FNBP1: variants seen among roughly 807,000 people sequenced by gnomAD.
FNBP1 encodes the protein formin-binding protein 1.
In FNBP1, 26 loss-of-function variants were observed where a neutral mutation model predicts 90.6. The observed-to-expected ratio is 0.29, with a 90% CI of 0.21 to 0.40. The LOEUF is 0.40. Ranked by LOEUF, FNBP1 falls within the 10% of genes least tolerant of loss-of-function variation. FNBP1 has a pLI of 1.00. For missense variants in FNBP1, 635 were observed against 768.0 expected (o/e 0.83, Z 2.05); for synonymous variants, 260 against 265.2 (o/e 0.98, Z 0.19).
At chr9:129,937,268 A>G (rs1191054601) in intron 6 of FNBP1, among the ~76,000 whole-genome samples, 1 of 152,236 alleles carries the variant, frequency 6.6e-6, no homozygotes, top group Non-Finnish European at 1.5e-5. Context: ...TATAATAACA[A>G]AAGATATCCA....
chr9:129,992,395 C>T (rs2053313558), intron 2 of FNBP1, among the ~76,000 whole-genome samples: 2 of 152,128 alleles, frequency 1.3e-5, no homozygotes, highest in South Asian at 4.1e-4. Context: ...AGAAACTGAT[C>T]TGGATTCTCC....
At chr9:129,990,459 G>A (rs1003710482) in intron 2 of FNBP1, among the ~76,000 whole-genome samples, 8 of 152,268 alleles carry the variant, frequency 5.3e-5, no homozygotes, top group African/African-American at 1.4e-4. Context: ...AATAGCTCTC[G>A]GGTGAGGGGA....
the FNBP1 span, among the ~76,000 whole-genome samples, chr9:130,052,449 T>C: frequency 6.6e-6 from 1 of 152,128 alleles, no homozygotes; most frequent in African/African-American, 2.4e-5. Flanking sequence ...TTTTTTTTTA[T>C]TGAGACAGAG....
the FNBP1 span, chr9:130,053,493 A>AG: frequency 1.1e-5 from 2 of 180,786 alleles, no homozygotes; most frequent in Non-Finnish European, 1.2e-5. Context: ...CCCTACGGCG[A>AG]GCCGGGAATT....
chr9:129,994,701 A>G (rs1589140532), intron 2 of FNBP1, 142 bp downstream of exon 2: 2 of 407,578 alleles, frequency 4.9e-6, no homozygotes, highest in East Asian at 7.6e-5. Flanking sequence ...TTTCTGTATG[A>G]AAAACAATCA....
chr9:129,902,547 A>G (rs1398387124), intron 13 of FNBP1, among the ~76,000 whole-genome samples: 2 of 152,186 alleles, frequency 1.3e-5, no homozygotes, highest in Non-Finnish European at 2.9e-5. Flanking sequence ...AGCTACAAGC[A>G]TGCCACTGTA....
In FNBP1 at chr9:129,895,955, A is replaced by T; in HGVS notation, c.1729T>A (p.Leu577Met). Residue 577 changes from leucine (L) to methionine (M), a missense_variant, in exon 16 of 17, where the codon TTG becomes ATG. Coordinates refer to ENST00000446176, the MANE Select transcript of FNBP1 (RefSeq NM_015033.3). ...CCTTTGTCTTCCTCTATGACATACA[A>T]TGTTTCTCCTTCAACTACGGAAATC... ...GTISVVEGETLYVIEEDKGDG... is the reference protein window; with the variant it reads ...GTISVVEGETMYVIEEDKGDG... 6.2e-7 allele frequency: 1 copy of T among 1,611,894 alleles called. No homozygotes were observed. Among genetic ancestry groups the T allele is most frequent in the Non-Finnish European group, 8.5e-7 (1 of 1,179,314 alleles).
chr9:129,964,608 A>G (rs529984700), intron 4 of FNBP1, among the ~76,000 whole-genome samples: 1 of 152,148 alleles, frequency 6.6e-6, no homozygotes, highest in Admixed American at 6.5e-5. Context: ...AAAAAAAAAA[A>G]AAATCACAGA....
intron 6 of FNBP1, among the ~76,000 whole-genome samples, chr9:129,946,945 C>G (rs1017497014): frequency 3.9e-5 from 6 of 152,172 alleles, no homozygotes; most frequent in Non-Finnish European, 5.9e-5. Flanking sequence ...TTTCTCATCC[C>G]AATACCACAC....
Position 129,929,585 on chromosome 9 carries a change from G to A in FNBP1, c.624C>T (p.His208=). ...NHEQHEYYHT[H]IPNIFQKIQE... ...GACTTACCTGGAAGATGTTGGGGAT[G>A]TGAGTATGGTAATATTCATGCTGCT... is the stretch of plus-strand genomic sequence containing the variant. Residue 208 remains histidine (H), a synonymous_variant, in exon 7 of 17, where the codon CAC becomes CAT. Transcript: ENST00000446176. 1.2e-6 allele frequency: 2 copies of A among 1,613,786 alleles called. No individual in the cohort carries two copies. Among genetic ancestry groups the A allele is most frequent in the Non-Finnish European group, 1.7e-6 (2 of 1,179,682 alleles).
upstream of FNBP1, chr9:130,044,700 CA>C (rs766808365): frequency 1.3e-5 from 2 of 152,206 alleles, no homozygotes; most frequent in African/African-American, 2.4e-5. Flanking sequence ...CTTTGGGAGG[CA>C]GAAGTGAGTG....
intron 1 of FNBP1, among the ~76,000 whole-genome samples, chr9:130,034,658 A>G (rs2059148760): frequency 6.6e-6 from 1 of 152,268 alleles, no homozygotes; most frequent in Non-Finnish European, 1.5e-5. Context: ...CTAGACATCT[A>G]TGAAGCATCT....
chr9:130,005,583 T>C (rs1169641817), intron 1 of FNBP1, among the ~76,000 whole-genome samples: 1 of 152,108 alleles, frequency 6.6e-6, no homozygotes, highest in Non-Finnish European at 1.5e-5. Context: ...CCTTGTGATC[T>C]GCCCACCTCA....
At chr9:129,931,230 A>G (rs1046600201) in intron 6 of FNBP1, among the ~76,000 whole-genome samples, 1 of 152,132 alleles carries the variant, frequency 6.6e-6, no homozygotes, top group Non-Finnish European at 1.5e-5. Context: ...TGGGAGGCTG[A>G]GGCTGCAGTG....
At chr9:129,992,204 G>A (rs2053272240) in intron 2 of FNBP1, among the ~76,000 whole-genome samples, 1 of 152,184 alleles carries the variant, frequency 6.6e-6, no homozygotes, top group African/African-American at 2.4e-5. Context: ...ACTGTCGTGG[G>A]AAGAATACCA....
chr9:129,950,307 G>A (rs1406205084), intron 6 of FNBP1, among the ~76,000 whole-genome samples: 2 of 152,170 alleles, frequency 1.3e-5, no homozygotes, highest in African/African-American at 4.8e-5. Context: ...TGTTTGTGAT[G>A]CCAAAATTGG....
intron 1 of FNBP1, among the ~76,000 whole-genome samples, chr9:130,001,983 G>A (rs1346387062): frequency 2.1e-5 from 3 of 145,334 alleles, no homozygotes; most frequent in South Asian, 2.2e-4. Context: ...AACTGAGATC[G>A]CGCCACTGCA....
At chr9:130,006,961 C>T (rs536646491) in intron 1 of FNBP1, among the ~76,000 whole-genome samples, 54 of 151,734 alleles carry the variant, frequency 3.6e-4, no homozygotes, top group African/African-American at 1.1e-3. Context: ...AGGCCGGGTG[C>T]GGCGGCTCAT....
At chr9:129,968,902 T>A (rs2049018150) in intron 4 of FNBP1, among the ~76,000 whole-genome samples, 1 of 152,222 alleles carries the variant, frequency 6.6e-6, no homozygotes, top group Non-Finnish European at 1.5e-5. Flanking sequence ...AGAAGTTTTC[T>A]TGGAATTCCA....
Sources: gnomAD v4.1 joint callset for allele counts (sites outside exome capture counted in the v4.1 genomes callset) on GRCh38, gnomAD v4.1.1 for gene constraint, MANE v1.5 for transcripts, NCBI Gene and HGNC (gene_info 2026-07-23, HGNC 2026-07-21) for gene names.